ZBTB20: variants seen among roughly 807,000 people sequenced by gnomAD.
ZBTB20 encodes zinc finger and BTB domain containing 20.
In ZBTB20, 9 loss-of-function variants were observed where a neutral mutation model predicts 56.9. The ratio of observed to expected loss-of-function variants is 0.16; its 90% CI spans 0.10 to 0.28. The LOEUF is 0.28. Ranked by LOEUF, ZBTB20 falls within the 10% of genes least tolerant of loss-of-function variation. The pLI is 1.00. For missense variants in ZBTB20, 655 were observed against 1,003.0 expected (o/e 0.65, Z 4.69); for synonymous variants, 417 against 420.7 (o/e 0.99, Z 0.11).
At chr3:114,734,122 T>C (rs1479112949) in intron 5 of ZBTB20, among the ~76,000 whole-genome samples, 1 of 151,774 alleles carries the variant, frequency 6.6e-6, no homozygotes, top group Non-Finnish European at 1.5e-5. Context: ...TGCTTCATGG[T>C]CCCCAGACTT....
rs183091859 is a variant in ZBTB20, at chr3:114,597,050, A to C, written c.-295+96478T>G. Among the ~76,000 whole-genome samples, 463 of 150,210 alleles carry C rather than the reference A, an allele frequency of 3.1e-3. 2 individuals are homozygous for C. Among genetic ancestry groups the C allele is most frequent in the African/African-American group, 0.01 (429 of 41,492 alleles). On this transcript the variant is annotated intron_variant, in intron 6 of 11. Coordinates refer to ENST00000675478, the MANE Select transcript of ZBTB20 (RefSeq NM_001348800.3). ...CCTAAAGCAAATTAAAAAAATATAT[A>C]TATATATAAAGGCCCACAGGCACAG...
chr3:114,338,810 A>C lies in ZBTB20; in HGVS notation c.*195T>G, dbSNP rs1320308612. The stretch of plus-strand genomic sequence containing the variant: ...GACTGGGAAAACTATTATTCACCCA[A>C]GCCTCCGGAAATGTAATGTACCAGC... On this transcript the variant is annotated 3_prime_UTR_variant, in exon 12 of 12. Transcript: ENST00000675478. The C allele has an allele frequency of 1.8e-6, 1 of 563,934 alleles. No homozygotes were observed. Among genetic ancestry groups the C allele is most frequent in the Admixed American group, 3.7e-5 (1 of 27,026 alleles). 34.9% of individuals were successfully genotyped at this position (563,934 alleles called of 1,614,324 possible).
intron 1 of ZBTB20, among the ~76,000 whole-genome samples, chr3:115,130,295 A>G (rs1366085494): frequency 6.6e-6 from 1 of 152,196 alleles, no homozygotes; most frequent in Admixed American, 6.5e-5. Flanking sequence ...AGGTCAAATC[A>G]GCAAATATTT....
chr3:114,320,619 T>C lies in ZBTB20; in HGVS notation c.*18386A>G, dbSNP rs2078860105. Reference sequence around the variant, plus strand: ...TGCTCTTCTGTCTTTTCCTTCAACTTTTAATCTTTTACTCCCTAGTTCTTT... The same window carrying C: ...TGCTCTTCTGTCTTTTCCTTCAACTCTTAATCTTTTACTCCCTAGTTCTTT... On this transcript the variant is annotated 3_prime_UTR_variant, in exon 12 of 12. Transcript: ENST00000675478. 1 of 152,198 alleles carries C rather than the reference T, an allele frequency of 6.6e-6. No individual in the cohort carries two copies. Among genetic ancestry groups the C allele is most frequent in the East Asian group, 1.9e-4 (1 of 5,196 alleles). 9.4% of individuals were successfully genotyped at this position (152,198 alleles called of 1,614,324 possible).
intron 3 of ZBTB20, among the ~76,000 whole-genome samples, chr3:114,930,259 A>G (rs929648060): frequency 3.3e-5 from 5 of 152,306 alleles, no homozygotes; most frequent in African/African-American, 1.2e-4. Flanking sequence ...TTCTTCAGAA[A>G]CAAGCTACAA....
chr3:114,448,687 C>G (rs2091420764), intron 7 of ZBTB20, among the ~76,000 whole-genome samples: 2 of 152,046 alleles, frequency 1.3e-5, no homozygotes, highest in Non-Finnish European at 2.9e-5. Flanking sequence ...CTTAAACGTT[C>G]ATATAGCTGC....
chr3:114,599,461 T>C (rs1400520336), intron 6 of ZBTB20: 2 of 152,132 alleles, frequency 1.3e-5, no homozygotes, highest in African/African-American at 4.8e-5. Context: ...GATCATTTTC[T>C]GAAGAAGGGT....
At chr3:114,595,273 CAA>C (rs756952867) in intron 6 of ZBTB20, among the ~76,000 whole-genome samples, 49 of 152,290 alleles carry the variant, frequency 3.2e-4, no homozygotes, top group Non-Finnish European at 4.0e-4. Context: ...TATAGCTGGT[CAA>C]ATGCACTGTT....
intron 6 of ZBTB20, among the ~76,000 whole-genome samples, chr3:114,649,884 TATAAC>T (rs1292610526): frequency 6.6e-6 from 1 of 151,884 alleles, no homozygotes. Flanking sequence ...GCAATAATAA[TATAAC>T]AACAATATAC....
At chr3:114,878,409 T>G (rs1391715243) in intron 4 of ZBTB20, among the ~76,000 whole-genome samples, 1 of 152,086 alleles carries the variant, frequency 6.6e-6, no homozygotes, top group Admixed American at 6.6e-5. Flanking sequence ...CAAAAAGAAA[T>G]GGTTTTCAGC....
intron 6 of ZBTB20, among the ~76,000 whole-genome samples, chr3:114,619,286 T>G (rs565166886): frequency 6.6e-6 from 1 of 152,314 alleles, no homozygotes; most frequent in Non-Finnish European, 1.5e-5. Flanking sequence ...GAATCACTTT[T>G]CTTTCTGTGG....
Position 114,323,398 on chromosome 3 carries a change from G to A in ZBTB20, c.*15607C>T, listed in dbSNP as rs527348748. On this transcript the variant is annotated 3_prime_UTR_variant, in exon 12 of 12. Coordinates refer to ENST00000675478, the MANE Select transcript of ZBTB20 (RefSeq NM_001348800.3). ...ACTGTTCCCTATCTGTCATCTTAAA[G>A]GACTTTACCACATGCATAGCCTTCC... The A allele has an allele frequency of 6.6e-6, 1 of 152,190 alleles. No individual in the cohort carries two copies. Among genetic ancestry groups the A allele is most frequent in the South Asian group, 2.1e-4 (1 of 4,830 alleles). 9.4% of individuals were successfully genotyped at this position (152,190 alleles called of 1,614,324 possible).
intron 5 of ZBTB20, among the ~76,000 whole-genome samples, chr3:114,764,463 G>A (rs1298049): frequency 6.6e-6 from 1 of 152,158 alleles, no homozygotes; most frequent in Non-Finnish European, 1.5e-5. Flanking sequence ...GCAGCTTGGG[G>A]TGCAGGCCCC....
chr3:114,900,542 C>A (rs1560378504), intron 3 of ZBTB20, 200 bp from the exon 4 acceptor site: 2 of 151,180 alleles, frequency 1.3e-5, no homozygotes, highest in African/African-American at 4.9e-5. Flanking sequence ...CACACACACA[C>A]ACACACAGAG....
chr3:114,340,319 T>C, intron 11 of ZBTB20, among the ~76,000 whole-genome samples: 1 of 151,272 alleles, frequency 6.6e-6, no homozygotes, highest in South Asian at 2.1e-4. Context: ...CCAAGAGCAG[T>C]GTGGGAATAC....
At chr3:114,462,152 A>G (rs1181213904) in intron 7 of ZBTB20, among the ~76,000 whole-genome samples, 1 of 152,234 alleles carries the variant, frequency 6.6e-6, no homozygotes, top group African/African-American at 2.4e-5. Context: ...ATCAATTTGG[A>G]TTGCAAGTAT....
rs753789024 is a variant in ZBTB20, at chr3:114,351,397, C to G, written c.681G>C (p.Thr227=). The G allele has an allele frequency of 2.5e-6, 4 of 1,612,360 alleles. No individual in the cohort carries two copies. The Admixed American group carries it at 5.0e-5, about 20-fold the overall frequency. The change falls in exon 11 of 12, where the codon ACG becomes ACC. Residue 227 remains threonine (T), a synonymous_variant. Transcript: ENST00000675478. ...ESGTSGQSSD[T]ESGYLQSHPQ... ...GGTGGCTCTGCAGGTAGCCCGACTC[C>G]GTGTCGCTGCTCTGGCCTGACGTGC...
chr3:114,354,107 G>A (rs1261907834), intron 10 of ZBTB20, among the ~76,000 whole-genome samples: 2 of 152,188 alleles, frequency 1.3e-5, no homozygotes, highest in South Asian at 4.1e-4. Context: ...ATGTTTTTAG[G>A]CTGTGATGCT....
chr3:114,704,064 A>G (rs1045408415), intron 5 of ZBTB20, among the ~76,000 whole-genome samples: 3 of 152,168 alleles, frequency 2.0e-5, no homozygotes, highest in Non-Finnish European at 4.4e-5. Context: ...AAACTTTCCT[A>G]AATCAAATAA....
Sources: gnomAD v4.1 joint callset for allele counts (sites outside exome capture counted in the v4.1 genomes callset) on GRCh38, gnomAD v4.1.1 for gene constraint, MANE v1.5 for transcripts, NCBI Gene and HGNC (gene_info 2026-07-23, HGNC 2026-07-21) for gene names.